DLG2: variants seen among roughly 807,000 people sequenced by gnomAD.
DLG2 encodes disks large homolog 2.
A neutral mutation model predicts 132.5 loss-of-function variants in DLG2; 45 were observed. The ratio of observed to expected loss-of-function variants is 0.34; its 90% confidence interval spans 0.27 to 0.44. DLG2 has a LOEUF of 0.44. Among genes scored for constraint, DLG2 ranks in the 20% least tolerant of loss-of-function variants. The pLI, the probability that DLG2 is intolerant of heterozygous loss-of-function variation, is 1.00. For missense variants in DLG2, 1,045 were observed against 1,196.9 expected (o/e 0.87, Z 1.87); for synonymous variants, 424 against 419.6 (o/e 1.01, Z -0.13).
chr11:83,639,967 A>C (rs2066001895), intron 18 of DLG2, among the ~76,000 whole-genome samples: 1 of 152,178 alleles, frequency 6.6e-6, no homozygotes, highest in African/African-American at 2.4e-5. Flanking sequence ...TGTTCTGAAA[A>C]TATAAGATAG....
intron 7 of DLG2, among the ~76,000 whole-genome samples, chr11:84,313,641 A>AAAAGAAAG (rs201928030): frequency 0.096 from 12,462 of 129,186 alleles, 800 homozygotes; most frequent in Middle Eastern, 0.13. Flanking sequence ...GAAAGAGAGA[A>AAAAGAAAG]AAAGAAAGAA....
chr11:84,922,832 C>T lies in DLG2; in HGVS notation c.357+188829G>A, dbSNP rs532371555. ...ATCTTTTCTTCCCCCCTCTCCACCCCCCAACTATGAGCGTGAACCTGAATT... is the reference window on the plus strand; with the variant it reads ...ATCTTTTCTTCCCCCCTCTCCACCCTCCAACTATGAGCGTGAACCTGAATT... On this transcript the variant is annotated intron_variant, in intron 6 of 27. Coordinates refer to ENST00000376104, the MANE Select transcript of DLG2 (RefSeq NM_001142699.3). 2.2e-4 allele frequency among the ~76,000 whole-genome samples: 32 copies of T among 148,828 alleles called. 1 individual carries two copies. Among genetic ancestry groups the T allele is most frequent in the South Asian group, 1.4e-3 (6 of 4,434 alleles).
chr11:84,933,563 T>C (rs2154092478), intron 6 of DLG2, among the ~76,000 whole-genome samples: 1 of 152,312 alleles, frequency 6.6e-6, no homozygotes, highest in South Asian at 2.1e-4. Context: ...GTTCTCCTTC[T>C]ACAGATCTTT....
intron 6 of DLG2, among the ~76,000 whole-genome samples, chr11:85,102,703 C>T (rs528886164): frequency 1.3e-4 from 20 of 151,958 alleles, no homozygotes; most frequent in Non-Finnish European, 2.8e-4. Flanking sequence ...AGACTGAATA[C>T]TTTCCATCTA....
intron 18 of DLG2, among the ~76,000 whole-genome samples, chr11:83,703,164 T>C (rs755627066): frequency 1.3e-5 from 2 of 152,180 alleles, no homozygotes; most frequent in Admixed American, 1.3e-4. Flanking sequence ...CAAATATGTT[T>C]ATAATAAAGG....
Position 84,400,475 on chromosome 11 carries a change from C to T in DLG2, c.519+134095G>A, listed in dbSNP as rs567444397. 3.3e-5 allele frequency among the ~76,000 whole-genome samples: 5 copies of T among 152,252 alleles called. No individual in the cohort carries two copies. In the South Asian group the frequency reaches 8.3e-4, roughly 25 times the overall value. Reference sequence around the variant, plus strand: ...AGTTCTCTTTTCACTTTGTCAATTTCCTGCTCATTTTAGGGCTTCAATGCT... The same window carrying T: ...AGTTCTCTTTTCACTTTGTCAATTTTCTGCTCATTTTAGGGCTTCAATGCT... On this transcript the variant is annotated intron_variant, in intron 7 of 27. Transcript: ENST00000376104.
intron 6 of DLG2, chr11:84,639,974 TGC>T (rs2099653597): frequency 4.8e-6 from 1 of 210,290 alleles, no homozygotes; most frequent in Non-Finnish European, 9.4e-6. Context: ...CTTCACTCTT[TGC>T]CACATCTATG....
chr11:83,472,764 G>A lies in DLG2; in HGVS notation c.2307C>T (p.Asp769=). 5 of 1,612,062 alleles carry A rather than the reference G, an allele frequency of 3.1e-6. No homozygotes were observed. The highest frequency in any genetic ancestry group is 4.2e-6 in the Non-Finnish European group (5 of 1,178,844). ...ETSDPERGQE[D]LILSYEPVTR... Reference sequence around the variant, plus strand: ...TAACAGGCTCATAGGAAAGAATGAGGTCTTCTTGTCCTCCTGAGAAGAGAA... The same window carrying A: ...TAACAGGCTCATAGGAAAGAATGAGATCTTCTTGTCCTCCTGAGAAGAGAA... The change falls in exon 23 of 28, where the codon GAC becomes GAT. Residue 769 remains aspartate (D), a synonymous_variant. Coordinates refer to ENST00000376104, the MANE Select transcript of DLG2 (RefSeq NM_001142699.3).
At chr11:84,962,998 C>A (rs1329078496) in intron 6 of DLG2, among the ~76,000 whole-genome samples, 1 of 152,160 alleles carries the variant, frequency 6.6e-6, no homozygotes, top group South Asian at 2.1e-4. Context: ...TATCTCTTAT[C>A]CCTTACCTTC....
chr11:85,299,449 A>C (rs2079447611), intron 3 of DLG2, among the ~76,000 whole-genome samples: 1 of 152,198 alleles, frequency 6.6e-6, no homozygotes, highest in Non-Finnish European at 1.5e-5. Flanking sequence ...ATGACTCAGC[A>C]GTTCCAGCTC....
chr11:85,412,096 A>T (rs2089364160), intron 3 of DLG2, among the ~76,000 whole-genome samples: 1 of 151,834 alleles, frequency 6.6e-6, no homozygotes, highest in African/African-American at 2.4e-5. Flanking sequence ...CTTCTTTTCC[A>T]GGCCTGAGCA....
chr11:85,139,564 A>C (rs1039430301), intron 5 of DLG2, among the ~76,000 whole-genome samples: 8 of 152,080 alleles, frequency 5.3e-5, no homozygotes, highest in Non-Finnish European at 1.0e-4. Context: ...ACATAGTAAA[A>C]AGGTTATTAT....
intron 6 of DLG2, among the ~76,000 whole-genome samples, chr11:84,649,159 T>G (rs1565555912): frequency 6.6e-6 from 1 of 152,190 alleles, no homozygotes; most frequent in Non-Finnish European, 1.5e-5. Context: ...GTTTTCTTCC[T>G]GGATCTTGAG....
chr11:84,717,485 G>A (rs944394847), intron 6 of DLG2, among the ~76,000 whole-genome samples: 2 of 152,014 alleles, frequency 1.3e-5, no homozygotes, highest in African/African-American at 2.4e-5. Context: ...CCTCCAGTGT[G>A]TAGAATTTCT....
chr11:84,168,901 C>T (rs1354512452), intron 8 of DLG2, among the ~76,000 whole-genome samples: 2 of 151,886 alleles, frequency 1.3e-5, no homozygotes, highest in African/African-American at 4.8e-5. Flanking sequence ...TGCCAATATT[C>T]ATCCTTCCCT....
At chr11:85,123,864 A>G (rs145246808) in intron 5 of DLG2, among the ~76,000 whole-genome samples, 22 of 152,318 alleles carry the variant, frequency 1.4e-4, no homozygotes, top group Non-Finnish European at 2.4e-4. Context: ...ACTATCTTTG[A>G]ACGCACAAAT....
At chr11:85,386,843 A>G (rs2086374060) in intron 3 of DLG2, among the ~76,000 whole-genome samples, 1 of 151,036 alleles carries the variant, frequency 6.6e-6, no homozygotes. Context: ...AGAGGGTAAG[A>G]CAATAGGAAG....
intron 6 of DLG2, among the ~76,000 whole-genome samples, chr11:85,092,744 G>A (rs1195920168): frequency 6.6e-6 from 1 of 151,180 alleles, no homozygotes; most frequent in Non-Finnish European, 1.5e-5. Flanking sequence ...CTGGGTTCAA[G>A]CAATTCTCCT....
chr11:85,066,305 A>G (rs541034295), intron 6 of DLG2, among the ~76,000 whole-genome samples: 1 of 151,664 alleles, frequency 6.6e-6, no homozygotes, highest in South Asian at 2.1e-4. Context: ...ATTAGCAATA[A>G]AAAACTCCCC....
Sources: gnomAD v4.1 joint callset for allele counts (sites outside exome capture counted in the v4.1 genomes callset) on GRCh38, gnomAD v4.1.1 for gene constraint, MANE v1.5 for transcripts, NCBI Gene and HGNC (gene_info 2026-07-23, HGNC 2026-07-21) for gene names.